VPS13D: variants seen among roughly 807,000 people sequenced by gnomAD.
VPS13D encodes intermembrane lipid transfer protein VPS13D.
Under a neutral mutation model 461.9 loss-of-function variants are expected in VPS13D, and 187 were observed. The ratio of observed to expected loss-of-function variants is 0.40; its 90% CI spans 0.36 to 0.46. VPS13D has a LOEUF of 0.46. Ranked by LOEUF, VPS13D falls within the 20% of genes least tolerant of loss-of-function variation. The probability of loss-of-function intolerance (pLI) is 0.60; values close to 1 mark genes in which losing one functional copy is unlikely to be tolerated. For synonymous variants in VPS13D, 1,951 were observed against 1,986.3 expected, an observed-to-expected ratio of 0.98 and a Z score of 0.47; for missense variants, 4,711 against 5,364.9, an observed-to-expected ratio of 0.88 and a Z score of 3.81.
At chr1:12,446,994 G>A (rs1273938359) in intron 65 of VPS13D, among the ~76,000 whole-genome samples, 2 of 152,174 alleles carry the variant, frequency 1.3e-5, no homozygotes, top group Non-Finnish European at 2.9e-5. Flanking sequence ...TCTAGGCCAC[G>A]TGGCCTCCGG....
At chr1:12,356,628 A>G in intron 49 of VPS13D, 104 bp downstream of exon 49, 1 of 1,420,662 alleles carries the variant, frequency 7.0e-7, no homozygotes, top group Non-Finnish European at 9.4e-7. Context: ...ACTGTAGATA[A>G]CAATCCTGAC....
chr1:12,408,384 G>A (rs981467193), intron 63 of VPS13D, among the ~76,000 whole-genome samples: 5 of 152,026 alleles, frequency 3.3e-5, no homozygotes, highest in Non-Finnish European at 5.9e-5. Flanking sequence ...TGCGGGGTGG[G>A]GAAGACAGGG....
At chr1:12,406,252 C>T (rs908767465) in intron 63 of VPS13D, among the ~76,000 whole-genome samples, 1 of 151,416 alleles carries the variant, frequency 6.6e-6, no homozygotes, top group African/African-American at 2.4e-5. Flanking sequence ...GTCTGGGACT[C>T]ATAAAATAAT....
Position 12,368,606 on chromosome 1 carries a change from T to C in VPS13D, c.10572+15T>C. On this transcript the variant is annotated intron_variant, in intron 53 of 69. Coordinates refer to ENST00000620676, the MANE Select transcript of VPS13D (RefSeq NM_015378.4). ...ACTTTTCTAAGGTATCAAGTGGAGC[T>C]GAGAGCCAGTTTGACTGTTTCATGT... The C allele has an allele frequency of 1.9e-6, 3 of 1,608,552 alleles. No homozygotes were observed. Among genetic ancestry groups the C allele is most frequent in the Non-Finnish European group, 2.5e-6 (3 of 1,177,154 alleles).
At chr1:12,368,371 C>A in intron 52 of VPS13D, 97 bp from the exon 53 acceptor site, 1 of 1,438,882 alleles carries the variant, frequency 6.9e-7, no homozygotes, top group Non-Finnish European at 9.3e-7. Flanking sequence ...TGACTGAGGC[C>A]CAAACAGTGT....
At chr1:12,452,128 A>G (rs1014989331) in intron 65 of VPS13D, among the ~76,000 whole-genome samples, 3 of 152,136 alleles carry the variant, frequency 2.0e-5, no homozygotes, top group Non-Finnish European at 2.9e-5. Context: ...ACCACTTCTG[A>G]TTTCTGATTC....
rs1292921003 is a variant in VPS13D at position 12,505,853 on chromosome 1, G to A, written c.12795-1000G>A. On this transcript the variant is annotated intron_variant, in intron 68 of 69. Transcript: ENST00000620676. The surrounding 1 kb of genome is among the most constrained non-coding windows in gnomAD (Gnocchi z 4.2). Reference sequence around the variant, plus strand: ...ACGGACCCCAAGTGAGCGAGGGCCCGGCAGCCTGCTCCCCTCGACAGGCAG... The same window carrying A: ...ACGGACCCCAAGTGAGCGAGGGCCCAGCAGCCTGCTCCCCTCGACAGGCAG... 7.2e-5 allele frequency among the ~76,000 whole-genome samples: 11 copies of A among 152,206 alleles called. No homozygotes were observed. The highest frequency in any genetic ancestry group is 3.2e-3 in the Middle Eastern group (1 of 316).
intron 38 of VPS13D, among the ~76,000 whole-genome samples, chr1:12,333,618 A>G (rs777404783): frequency 6.6e-6 from 1 of 152,224 alleles, no homozygotes; most frequent in Non-Finnish European, 1.5e-5. Flanking sequence ...AATGGCCGTG[A>G]TGGACTTTCT....
chr1:12,485,857 T>C (rs933396887), intron 67 of VPS13D, among the ~76,000 whole-genome samples: 3 of 152,164 alleles, frequency 2.0e-5, no homozygotes, highest in Non-Finnish European at 4.4e-5. Context: ...AATAATCTTT[T>C]GTTACCAGGT....
At chr1:12,442,163 A>T (rs1645139102) in intron 65 of VPS13D, among the ~76,000 whole-genome samples, 1 of 152,190 alleles carries the variant, frequency 6.6e-6, no homozygotes, top group Admixed American at 6.5e-5. Context: ...ACACTATCTG[A>T]TAGAAATTCT....
chr1:12,472,157 C>A (rs1365525938), intron 67 of VPS13D, among the ~76,000 whole-genome samples: 1 of 152,070 alleles, frequency 6.6e-6, no homozygotes, highest in Non-Finnish European at 1.5e-5. Flanking sequence ...TGGTCTTTTT[C>A]TTTCATGAAT....
intron 65 of VPS13D, among the ~76,000 whole-genome samples, chr1:12,434,939 G>C (rs1407523401): frequency 2.0e-5 from 3 of 152,168 alleles, no homozygotes; most frequent in Non-Finnish European, 4.4e-5. Context: ...CTTGGCATTT[G>C]TCTCACATAA....
chr1:12,455,262 A>C (rs965479804), intron 65 of VPS13D, among the ~76,000 whole-genome samples: 2 of 152,220 alleles, frequency 1.3e-5, no homozygotes, highest in East Asian at 1.9e-4. Flanking sequence ...AGACAGCATT[A>C]CTGGAGGGAG....
At chr1:12,400,390 C>A in intron 61 of VPS13D, 60 bp downstream of exon 61, 1 of 1,588,772 alleles carries the variant, frequency 6.3e-7, no homozygotes, top group Admixed American at 1.8e-5. Flanking sequence ...TTTGTTCTCT[C>A]ACAGCCAAGT....
rs1477074705 is a variant in VPS13D, at chr1:12,363,112, G to T, written c.10313G>T (p.Gly3438Val). ...NPEGYISTLP[G>V]SSVVFHWPRN... Reference sequence around the variant, plus strand: ...GAAGGTTACATTTCCACCCTTCCTGGTTCCAGTGTGGTGTTCCACTGGCCT... The same window carrying T: ...GAAGGTTACATTTCCACCCTTCCTGTTTCCAGTGTGGTGTTCCACTGGCCT... The change falls in exon 52 of 70, where the codon GGT (glycine) becomes GTT (valine). Residue 3438 changes from glycine to valine, a missense_variant. Transcript: ENST00000620676. 4.3e-6 allele frequency: 7 copies of T among 1,614,068 alleles called. No homozygotes were observed. Among genetic ancestry groups the T allele is most frequent in the Non-Finnish European group, 5.9e-6 (7 of 1,180,042 alleles).
chr1:12,478,277 G>A (rs1330227373), intron 67 of VPS13D, among the ~76,000 whole-genome samples: 3 of 152,260 alleles, frequency 2.0e-5, no homozygotes, highest in East Asian at 1.9e-4. Flanking sequence ...CGCGTGGGCC[G>A]GCCCAGGCCG....
At chr1:12,437,935 G>A (rs1419881292) in intron 65 of VPS13D, among the ~76,000 whole-genome samples, 1 of 152,114 alleles carries the variant, frequency 6.6e-6, no homozygotes, top group Non-Finnish European at 1.5e-5. Flanking sequence ...AACTTAGGTT[G>A]AGCTGGTTGG....
In VPS13D at chr1:12,493,725, T is replaced by C. The variant is rs749806126; in HGVS notation, c.12663-3775T>C. On this transcript the variant is annotated intron_variant, in intron 67 of 69. Coordinates refer to ENST00000620676, the MANE Select transcript of VPS13D (RefSeq NM_015378.4). The stretch of plus-strand genomic sequence containing the variant: ...GGCTGAAGAACTTCACTTTAAACTT[T>C]TTGCTGGCTTACGAGGTTTGAAAAC... Among the ~76,000 whole-genome samples the C allele has an allele frequency of 1.2e-4, 18 of 152,224 alleles. 1 individual carries two copies. Among genetic ancestry groups the C allele is most frequent in the Non-Finnish European group, 2.5e-4 (17 of 68,042 alleles).
chr1:12,460,078 CCTCTCTGGCA>C (rs1273741538), intron 66 of VPS13D, 113 bp from the exon 67 acceptor site: 1 of 834,462 alleles, frequency 1.2e-6, no homozygotes, highest in East Asian at 3.1e-5. Flanking sequence ...CTGTCTGTGG[CCTCTCTGGCA>C]CAGAGATTAA....
Sources: allele counts gnomAD v4.1 joint callset (sites outside exome capture counted in the v4.1 genomes callset), GRCh38; gene constraint gnomAD v4.1.1; non-coding constraint Gnocchi (gnomAD v3.1); transcripts MANE v1.5; gene names NCBI Gene and HGNC (gene_info 2026-07-23, HGNC 2026-07-21).